Variants in MTMR8 observed in about 807,000 individuals in gnomAD.
The protein encoded by MTMR8 is myotubularin related protein 8.
In MTMR8, 65 loss-of-function variants were observed where a neutral mutation model predicts 39.3. That is an observed-to-expected ratio of 1.65 (90% CI 1.35 to 2.03). The LOEUF is 2.03. Among genes scored for constraint, MTMR8 ranks in the 30% most tolerant of loss-of-function variants. MTMR8 has a pLI of 0.00. For missense variants in MTMR8, 777 were observed against 538.9 expected, an observed-to-expected ratio of 1.44 and a Z score of -4.37; for synonymous variants, 245 against 185.2, an observed-to-expected ratio of 1.32 and a Z score of -2.62.
At chrX:64,304,977 T>C (rs1922052154) in intron 12 of MTMR8, 1 of 92,530 alleles carries the variant, frequency 1.1e-5, no homozygotes, top group Non-Finnish European at 2.1e-5. Flanking sequence ...TATACATATA[T>C]ATGTATATAC....
intron 12 of MTMR8, among the ~76,000 whole-genome samples, chrX:64,292,329 G>T (rs1317074928): frequency 9.0e-6 from 1 of 111,609 alleles, no homozygotes; most frequent in Non-Finnish European, 1.9e-5. Flanking sequence ...TATTTCAAGT[G>T]ACTAAATCAA....
chrX:64,334,570 TAAAAAAAAAAAA>T (rs537003359), intron 10 of MTMR8, among the ~76,000 whole-genome samples: 1 of 69,328 alleles, frequency 1.4e-5, no homozygotes, highest in African/African-American at 4.7e-5. Context: ...TCTTTCAGCT[TAAAAAAAAAAAA>T]AAAAAAAAAA....
At chrX:64,274,428 C>T (rs781688728) in intron 12 of MTMR8, among the ~76,000 whole-genome samples, 13 of 111,729 alleles carry the variant, frequency 1.2e-4, no homozygotes, top group Non-Finnish European at 2.1e-4. Flanking sequence ...CACAACATAC[C>T]AAAACATGTA....
chrX:64,375,397 G>A (rs987190385), intron 1 of MTMR8, among the ~76,000 whole-genome samples: 4 of 110,913 alleles, frequency 3.6e-5, no homozygotes, highest in Non-Finnish European at 7.6e-5. Context: ...GATATACCAT[G>A]CTTACACTAA....
At chrX:64,354,182 T>A (rs1272557134) in intron 4 of MTMR8, among the ~76,000 whole-genome samples, 2 of 94,617 alleles carry the variant, frequency 2.1e-5, no homozygotes, top group African/African-American at 8.0e-5. Context: ...GGTAGTGGAG[T>A]GGGGGGGATA....
chrX:64,365,642 G>C (rs1024212361), intron 1 of MTMR8, among the ~76,000 whole-genome samples: 16 of 111,749 alleles, frequency 1.4e-4, no homozygotes, highest in African/African-American at 5.2e-4. Context: ...ACCATTACCA[G>C]CCACTGCAAA....
chrX:64,336,068 T>C lies in MTMR8; in HGVS notation c.1151+11A>G. On this transcript the variant is annotated intron_variant, in intron 10 of 13. Coordinates refer to ENST00000374852, the MANE Select transcript of MTMR8 (RefSeq NM_017677.4). ...CCTCAGCCCCTTCCTTCAAAATGAG[T>C]ATATTTTTACCTTTGGGAAAACTTG... is the stretch of plus-strand genomic sequence containing the variant. 1 of 1,178,337 alleles carries C rather than the reference T, an allele frequency of 8.5e-7. No homozygotes were observed. Among genetic ancestry groups the C allele is most frequent in the Non-Finnish European group, 1.1e-6 (1 of 871,698 alleles).
intron 1 of MTMR8, among the ~76,000 whole-genome samples, chrX:64,382,818 C>T (rs1327558208): frequency 9.0e-6 from 1 of 111,321 alleles, no homozygotes; most frequent in Non-Finnish European, 1.9e-5. Context: ...AATGGCTCTC[C>T]CTCTTAGCTG....
At chrX:64,378,073 A>G (rs773452786) in intron 1 of MTMR8, among the ~76,000 whole-genome samples, 74 of 111,870 alleles carry the variant, frequency 6.6e-4, no homozygotes, top group Non-Finnish European at 1.2e-3. Context: ...CTTCCCAGCC[A>G]TGTTTCTTGT....
intron 1 of MTMR8, among the ~76,000 whole-genome samples, chrX:64,390,036 T>G (rs974538081): frequency 6.3e-5 from 7 of 111,899 alleles, no homozygotes; most frequent in African/African-American, 1.6e-4. Context: ...AAAACACTTC[T>G]TTACCCAGTT....
At chrX:64,384,260 C>T in intron 1 of MTMR8, among the ~76,000 whole-genome samples, 1 of 111,708 alleles carries the variant, frequency 9.0e-6, no homozygotes, top group East Asian at 2.9e-4. Context: ...TTGCATTGTT[C>T]AGAACCTGCA....
chrX:64,353,614 A>T (rs903419145), intron 4 of MTMR8, among the ~76,000 whole-genome samples: 1 of 111,886 alleles, frequency 8.9e-6, no homozygotes, highest in African/African-American at 3.2e-5. Flanking sequence ...TATGGAGAAA[A>T]TGAAATCTTC....
chrX:64,326,574 T>A (rs964314484), intron 12 of MTMR8, among the ~76,000 whole-genome samples: 2 of 111,198 alleles, frequency 1.8e-5, no homozygotes, highest in Admixed American at 1.9e-4. Flanking sequence ...ATAGCCCATC[T>A]TCATGGACTG....
intron 12 of MTMR8, among the ~76,000 whole-genome samples, chrX:64,290,557 A>T (rs958138504): frequency 6.3e-5 from 7 of 110,616 alleles, no homozygotes; most frequent in Non-Finnish European, 1.1e-4. Context: ...AGATACCAAC[A>T]ATTCCACTAG....
chrX:64,338,285 A>G (rs1300484036), intron 8 of MTMR8, among the ~76,000 whole-genome samples: 1 of 112,042 alleles, frequency 8.9e-6, no homozygotes, highest in Non-Finnish European at 1.9e-5. Context: ...TACAAAAGAG[A>G]CAAACACTTA....
At chrX:64,280,682 T>C (rs1342739884) in intron 12 of MTMR8, among the ~76,000 whole-genome samples, 2 of 111,594 alleles carry the variant, frequency 1.8e-5, no homozygotes, top group African/African-American at 6.5e-5. Context: ...AACATAGTAC[T>C]GGAAGTTCCA....
chrX:64,333,672 A>G (rs764656489), intron 10 of MTMR8, among the ~76,000 whole-genome samples: 1 of 111,601 alleles, frequency 9.0e-6, no homozygotes, highest in Non-Finnish European at 1.9e-5. Context: ...CCCCCTTGAG[A>G]GCCAAGGTTC....
chrX:64,371,224 A>G (rs989733278), intron 1 of MTMR8, among the ~76,000 whole-genome samples: 1 of 112,166 alleles, frequency 8.9e-6, no homozygotes, highest in African/African-American at 3.2e-5. Context: ...TAGCTTATTT[A>G]CATTTATAAG....
At chrX:64,325,727 C>A (rs1051278249) in intron 12 of MTMR8, among the ~76,000 whole-genome samples, 1 of 112,057 alleles carries the variant, frequency 8.9e-6, no homozygotes, top group Non-Finnish European at 1.9e-5. Flanking sequence ...AGATAGGGAA[C>A]AAGACAACAA....
Sources: allele counts gnomAD v4.1 joint callset (sites outside exome capture counted in the v4.1 genomes callset), GRCh38; gene constraint gnomAD v4.1.1; transcripts MANE v1.5; gene names NCBI Gene and HGNC (gene_info 2026-07-23, HGNC 2026-07-21).